The following SEMA4C variants were observed in gnomAD, a reference collection of about 807,000 sequenced individuals.
SEMA4C encodes semaphorin-4C.
In SEMA4C, 19 loss-of-function variants were observed where a neutral mutation model predicts 89.0. The ratio of observed to expected loss-of-function variants is 0.21; its 90% confidence interval spans 0.15 to 0.31. SEMA4C has a LOEUF of 0.31. SEMA4C is among the 10% of genes least tolerant of loss of function. SEMA4C has a pLI of 1.00. For missense variants in SEMA4C, 811 were observed against 1,107.0 expected (o/e 0.73, Z 3.79); for synonymous variants, 428 against 472.7 (o/e 0.91, Z 1.23).
chr2:96,861,883 A>G lies in SEMA4C; in HGVS notation c.1455T>C (p.Phe485=), dbSNP rs1322463452. Residue 485 remains phenylalanine, a synonymous_variant, in exon 13 of 15, where the codon TTT becomes TTC. Coordinates refer to ENST00000305476, the MANE Select transcript of SEMA4C (RefSeq NM_017789.5). This position sits in a 1 kb window ranked among gnomAD's most constrained non-coding sequence, Gnocchi z 7.8. ...LVLSQSKKLL[F]AGSRSQLVQL... Reference sequence around the variant, plus strand: ...GCACCAGCTGAGAGCGGGAGCCGGCAAAGAGCAGCTTCTGCGAGAAAAGCG... The same window carrying G: ...GCACCAGCTGAGAGCGGGAGCCGGCGAAGAGCAGCTTCTGCGAGAAAAGCG... 2 of 1,610,910 alleles carry G rather than the reference A, an allele frequency of 1.2e-6. No individual in the cohort carries two copies. The highest frequency in any genetic ancestry group is 1.7e-5 in the Admixed American group (1 of 59,706).
intron 2 of SEMA4C, chr2:96,866,709 G>A (rs2080080742): frequency 1.7e-6 from 1 of 586,562 alleles, no homozygotes; most frequent in Non-Finnish European, 3.2e-6. Context: ...TCAGACTGAT[G>A]GCTCTTGCTC....
chr2:96,861,288 C>G lies in SEMA4C; in HGVS notation c.1840G>C (p.Val614Leu). Residue 614 changes from valine (V) to leucine (L), a missense_variant, in exon 15 of 15, where the codon GTG (valine) becomes CTG (leucine). Val to Leu is a conservative substitution (Grantham distance 32). Around this residue, in one of 4 missense-constraint regions of SEMA4C, gnomAD observed 441 missense variants for 664.9 expected, o/e 0.66. Transcript: ENST00000305476. The surrounding 1 kb of genome is among the most constrained non-coding windows in gnomAD (Gnocchi z 7.8). Reference protein sequence around the residue: ...LYDARLQALVVMAAQPRHAGA... With the variant: ...LYDARLQALVLMAAQPRHAGA... ...GCATGGCGGGGCTGGGCAGCCATCA[C>G]AACCAGGGCCTGGAGCCGGGCATCG... 1 of 1,608,054 alleles carries G rather than the reference C, an allele frequency of 6.2e-7. No individual in the cohort carries two copies. Among genetic ancestry groups the G allele is most frequent in the Non-Finnish European group, 8.5e-7 (1 of 1,179,734 alleles).
At chr2:96,869,361 G>A (rs887697899) in intron 1 of SEMA4C, 17 of 985,162 alleles carry the variant, frequency 1.7e-5, no homozygotes, top group South Asian at 4.7e-5. Context: ...GCGGCCAGCC[G>A]TGGACCGCGG....
At position 96,863,810 on chromosome 2, in the gene SEMA4C, G is replaced by A. The variant is rs753639130; in HGVS notation, c.1331-16C>T. The A allele has an allele frequency of 6.2e-6, 10 of 1,612,954 alleles. No homozygotes were observed. The highest frequency in any genetic ancestry group is 8.5e-6 in the Non-Finnish European group (10 of 1,179,306). ...CAGCCGTCTCCTGGGGGGTGCAGAG[G>A]AGAAGGTGTAAATGAGAGGGCACAA... On this transcript the variant is annotated splice_polypyrimidine_tract_variant and intron_variant, in intron 11 of 14. Transcript: ENST00000305476.
In SEMA4C at chr2:96,861,872, C is replaced by T. The variant is rs779891089; in HGVS notation, c.1466G>A (p.Arg489His). The T allele has an allele frequency of 7.4e-6, 12 of 1,611,320 alleles. No individual in the cohort carries two copies. Among genetic ancestry groups the T allele is most frequent in the African/African-American group, 1.3e-5 (1 of 74,896 alleles). ...CACGGGCAGCTGCACCAGCTGAGAG[C>T]GGGAGCCGGCAAAGAGCAGCTTCTG... ...QSKKLLFAGS[R>H]SQLVQLPVAD... The change falls in exon 13 of 15, where the codon CGC becomes CAC. Residue 489 changes from arginine to histidine, a missense_variant. This residue lies in a region of SEMA4C where 441 missense variants were observed against 664.9 expected (regional missense o/e 0.66). Transcript: ENST00000305476. This position sits in a 1 kb window ranked among gnomAD's most constrained non-coding sequence, Gnocchi z 7.8.
chr2:96,867,983 C>G lies in SEMA4C; in HGVS notation c.-37-60G>C, dbSNP rs975125479. 2.6e-5 allele frequency: 42 copies of G among 1,586,018 alleles called. No homozygotes were observed. The African/African-American group carries it at 5.1e-4, about 19-fold the overall frequency. On this transcript the variant is annotated intron_variant, in intron 1 of 14. Transcript: ENST00000305476. ...CCAGAGAAAGCAAACCAGAGGGGCCCGCAGCAGGAGAGGCCACAGGACTCC... is the reference window on the plus strand; with the variant it reads ...CCAGAGAAAGCAAACCAGAGGGGCCGGCAGCAGGAGAGGCCACAGGACTCC...
At chr2:96,865,800 G>C in intron 4 of SEMA4C, 36 bp from the exon 5 acceptor site, 1 of 1,613,394 alleles carries the variant, frequency 6.2e-7, no homozygotes, top group Non-Finnish European at 8.5e-7. Flanking sequence ...GTGAGAGCGC[G>C]AGGGCCAGAA....
chr2:96,866,483 C>T, intron 2 of SEMA4C, 52 bp from the exon 3 acceptor site: 2 of 1,612,450 alleles, frequency 1.2e-6, no homozygotes, highest in Non-Finnish European at 1.7e-6. Flanking sequence ...GGCTCGACAG[C>T]CCTCAGTCTT....
At chr2:96,863,396 G>C in intron 12 of SEMA4C, 3 of 1,192,166 alleles carry the variant, frequency 2.5e-6, no homozygotes, top group South Asian at 4.1e-5. Flanking sequence ...AGCACAGCTT[G>C]GAGGGTCTGA....
At position 96,863,816 on chromosome 2, in the gene SEMA4C, G is replaced by A. The variant is rs2080007299; in HGVS notation, c.1331-22C>T. ...TCTCCTGGGGGGTGCAGAGGAGAAGGTGTAAATGAGAGGGCACAAGGCCGT... is the reference window on the plus strand; with the variant it reads ...TCTCCTGGGGGGTGCAGAGGAGAAGATGTAAATGAGAGGGCACAAGGCCGT... On this transcript the variant is annotated intron_variant, in intron 11 of 14. Transcript: ENST00000305476. The A allele has an allele frequency of 5.0e-6, 8 of 1,611,004 alleles. No individual in the cohort carries two copies. In the East Asian group the frequency reaches 1.3e-4, roughly 27 times the overall value.
chr2:96,863,758 G>A lies in SEMA4C; in HGVS notation c.1367C>T (p.Pro456Leu), dbSNP rs774867981. Residue 456 changes from proline (P) to leucine (L), a missense_variant, in exon 12 of 15, where the codon CCC becomes CTC. By Grantham distance (98) the Pro-to-Leu change is moderately conservative. Around this residue, in one of 4 missense-constraint regions of SEMA4C, gnomAD observed 441 missense variants for 664.9 expected, o/e 0.66. Transcript: ENST00000305476. The part of the protein sequence containing the change: ...GWLLKAVSLG[P>L]WVHLIEELQL... Reference sequence around the variant, plus strand: ...CAGCTCCTCAATCAGGTGAACCCAGGGCCCCAGGCTCACAGCCTTGAGCAG... The same window carrying A: ...CAGCTCCTCAATCAGGTGAACCCAGAGCCCCAGGCTCACAGCCTTGAGCAG... 6 of 1,613,972 alleles carry A rather than the reference G, an allele frequency of 3.7e-6. No individual in the cohort carries two copies. The highest frequency in any genetic ancestry group is 4.2e-6 in the Non-Finnish European group (5 of 1,180,032).
rs1258050641 is a variant in SEMA4C at position 96,863,935 on chromosome 2, T to C, written c.1321A>G (p.Ile441Val). 2.5e-6 allele frequency: 4 copies of C among 1,606,286 alleles called. No homozygotes were observed. In the African/African-American group the frequency reaches 4.0e-5, roughly 16 times the overall value. The change falls in exon 11 of 15, where the codon ATT (isoleucine) becomes GTT (valine). Residue 441 changes from isoleucine to valine, a missense_variant. Transcript: ENST00000305476. ...ATACCCATGCACCCACCTGTGCCAA[T>C]GAACAGCACTGTATAGGTGGCTCCA... is the stretch of plus-strand genomic sequence containing the variant. ...LDGATYTVLF[I>V]GTGDGWLLKA...
intron 5 of SEMA4C, 61 bp from the exon 6 acceptor site, chr2:96,865,598 C>G: frequency 1.9e-6 from 3 of 1,597,082 alleles, no homozygotes; most frequent in Non-Finnish European, 2.6e-6. Context: ...TGGGCCACAT[C>G]CACGAGTCCA....
chr2:96,870,043 C>A lies in SEMA4C; in HGVS notation c.-205G>T, dbSNP rs1388049701. 25 of 981,222 alleles carry A rather than the reference C, an allele frequency of 2.5e-5. No individual in the cohort carries two copies. The highest frequency in any genetic ancestry group is 3.0e-5 in the Non-Finnish European group (25 of 825,784). 60.8% of individuals were successfully genotyped at this position (981,222 alleles called of 1,614,324 possible). On this transcript the variant is annotated 5_prime_UTR_variant, in exon 1 of 15. Transcript: ENST00000305476. ...CCGGCTCCGCGCCCCTAGGCTCGGG[C>A]TCCCCGCGCCACCACGGCGGGCGCC...
chr2:96,869,604 G>C, intron 1 of SEMA4C: 3 of 985,284 alleles, frequency 3.0e-6, no homozygotes, highest in Non-Finnish European at 3.6e-6. Context: ...CCCGGCCGCG[G>C]ACCGGACCGC....
intron 2 of SEMA4C, chr2:96,867,054 C>T: frequency 5.0e-6 from 1 of 200,704 alleles, no homozygotes; most frequent in Non-Finnish European, 1.0e-5. Context: ...AGTCTTGCTG[C>T]CACCCGGCAT....
At chr2:96,863,239 G>A in intron 12 of SEMA4C, 1 of 999,486 alleles carries the variant, frequency 1.0e-6, no homozygotes, top group Non-Finnish European at 1.2e-6. Flanking sequence ...TATTGCACAA[G>A]GGTATAATGC....
chr2:96,864,278 T>G lies in SEMA4C; in HGVS notation c.1067A>C (p.Asp356Ala), dbSNP rs756220088. 6.2e-6 allele frequency: 10 copies of G among 1,613,958 alleles called. 1 individual carries two copies. In the South Asian group the frequency reaches 9.9e-5, roughly 16 times the overall value. ...GCTGGGTACAGGGTCAGTGTAGCGG[T>G]CCCACTTCTGGGCTTCCTCATGGTA... ...KEYHEEAQKW[D>A]RYTDPVPSPR... The change falls in exon 10 of 15, where the codon GAC becomes GCC. Residue 356 changes from aspartate to alanine, a missense_variant. Physicochemically the swap from Asp to Ala is moderately radical, Grantham distance 126. This residue lies in a region of SEMA4C where 441 missense variants were observed against 664.9 expected (regional missense o/e 0.66). Coordinates refer to ENST00000305476, the MANE Select transcript of SEMA4C (RefSeq NM_017789.5). The surrounding 1 kb of genome is among the most constrained non-coding windows in gnomAD (Gnocchi z 6.3).
chr2:96,864,615 T>A lies in SEMA4C; in HGVS notation c.962+90A>T. On this transcript the variant is annotated intron_variant, in intron 9 of 14. Transcript: ENST00000305476. This position sits in a 1 kb window ranked among gnomAD's most constrained non-coding sequence, Gnocchi z 6.3. ...TGGACACCTGGCTTCCGGGACTGCC[T>A]CTGAGGCCTGGTCCAGGCTCCCACC... 1 of 1,483,480 alleles carries A rather than the reference T, an allele frequency of 6.7e-7. No individual in the cohort carries two copies. The highest frequency in any genetic ancestry group is 9.1e-7 in the Non-Finnish European group (1 of 1,099,084). The allele number at this position is 1,483,480 out of a possible 1,614,324, so 91.9% of individuals were successfully genotyped here. A position where few individuals can be genotyped will look rare whatever the true frequency, so the allele number is the denominator to read the frequency against.
Sources: gnomAD v4.1 joint callset for allele counts on GRCh38, gnomAD v4.1.1 for gene constraint, gnomAD v4.1.1 regional missense constraint, Gnocchi (gnomAD v3.1) non-coding constraint, MANE v1.5 for transcripts, NCBI Gene and HGNC (gene_info 2026-07-23, HGNC 2026-07-21) for gene names.